HPSE2: variants seen among roughly 807,000 people sequenced by gnomAD.
HPSE2 encodes heparanase 2 (inactive), also known as inactive heparanase-2.
HPSE2 carries 38 observed loss-of-function variants against 60.5 expected under a neutral mutation model. The ratio of observed to expected loss-of-function variants is 0.63; its 90% confidence interval spans 0.48 to 0.82. The LOEUF (loss-of-function observed/expected upper bound fraction) is 0.82, where lower values mean the gene tolerates loss of function less well. HPSE2 is among the 40% of genes least tolerant of loss of function. The pLI is 0.00. For missense variants in HPSE2, 713 were observed against 740.4 expected (o/e 0.96, Z 0.43); for synonymous variants, 295 against 293.2 (o/e 1.01, Z -0.06).
intron 3 of HPSE2, among the ~76,000 whole-genome samples, chr10:98,798,188 A>AT (rs1360721298): frequency 1.3e-5 from 2 of 151,638 alleles, no homozygotes; most frequent in African/African-American, 4.9e-5. Flanking sequence ...AAAATGCTAA[A>AT]TAAAAAAAAA....
At chr10:98,764,321 T>A (rs893009831) in intron 3 of HPSE2, among the ~76,000 whole-genome samples, 1 of 151,276 alleles carries the variant, frequency 6.6e-6, no homozygotes, top group Admixed American at 6.6e-5. Context: ...ATGGGAGAAA[T>A]GGGGGAATAG....
intron 3 of HPSE2, among the ~76,000 whole-genome samples, chr10:98,982,940 G>A (rs1956242566): frequency 6.6e-6 from 1 of 152,286 alleles, no homozygotes; most frequent in South Asian, 2.1e-4. Context: ...TAGTTCGGGA[G>A]ACATTCTATT....
At chr10:98,661,893 T>C (rs1947233440) in intron 6 of HPSE2, among the ~76,000 whole-genome samples, 1 of 152,084 alleles carries the variant, frequency 6.6e-6, no homozygotes. Context: ...ATGGAAGGAA[T>C]CTTCTTTTTG....
At chr10:98,998,798 T>A (rs1333305418) in intron 3 of HPSE2, among the ~76,000 whole-genome samples, 2 of 152,220 alleles carry the variant, frequency 1.3e-5, no homozygotes, top group Non-Finnish European at 2.9e-5. Context: ...GGTCTACCCA[T>A]GCAAAAGGTA....
chr10:98,547,120 A>G (rs2133842394), intron 9 of HPSE2, among the ~76,000 whole-genome samples: 1 of 119,212 alleles, frequency 8.4e-6, no homozygotes, highest in African/African-American at 3.3e-5. Flanking sequence ...ATCTCACACC[A>G]GTTAGAATGG....
chr10:99,116,246 A>G (rs908973844), intron 3 of HPSE2, among the ~76,000 whole-genome samples: 60 of 152,132 alleles, frequency 3.9e-4, no homozygotes, highest in African/African-American at 1.3e-3. Context: ...CTAAATTCCA[A>G]ACCTCACATT....
At chr10:99,039,847 T>C (rs1957696911) in intron 3 of HPSE2, among the ~76,000 whole-genome samples, 1 of 152,104 alleles carries the variant, frequency 6.6e-6, no homozygotes, top group Non-Finnish European at 1.5e-5. Context: ...AGAAGTCAGC[T>C]CTTTAATCCA....
chr10:99,047,829 T>C (rs1589572389), intron 3 of HPSE2: 1 of 798,692 alleles, frequency 1.3e-6, no homozygotes, highest in Non-Finnish European at 2.2e-6. Flanking sequence ...TATAGGCAGA[T>C]GTACAGAACT....
intron 9 of HPSE2, among the ~76,000 whole-genome samples, chr10:98,530,276 C>G (rs1232285675): frequency 6.6e-6 from 1 of 152,192 alleles, no homozygotes; most frequent in African/African-American, 2.4e-5. Flanking sequence ...CCATCCCTCA[C>G]TTGGAGGACT....
At chr10:98,893,884 C>A (rs934587151) in intron 3 of HPSE2, among the ~76,000 whole-genome samples, 5 of 142,190 alleles carry the variant, frequency 3.5e-5, no homozygotes, top group African/African-American at 5.3e-5. Context: ...AGGGCTATAC[C>A]ATAATGAAGT....
At chr10:99,148,014 C>T (rs1322338039) in intron 2 of HPSE2, among the ~76,000 whole-genome samples, 1 of 152,172 alleles carries the variant, frequency 6.6e-6, no homozygotes, top group East Asian at 1.9e-4. Context: ...TAAGATCTTA[C>T]TAAGATTTGT....
At chr10:98,649,512 T>A (rs1441559679) in intron 6 of HPSE2, among the ~76,000 whole-genome samples, 1 of 152,228 alleles carries the variant, frequency 6.6e-6, no homozygotes, top group Non-Finnish European at 1.5e-5. Flanking sequence ...GCACCATGCT[T>A]ATTTCATTGG....
chr10:99,043,454 G>A (rs549713919), intron 3 of HPSE2, among the ~76,000 whole-genome samples: 1 of 152,262 alleles, frequency 6.6e-6, no homozygotes, highest in South Asian at 2.1e-4. Flanking sequence ...TTGCACCACT[G>A]CATTCCAGCC....
intron 3 of HPSE2, among the ~76,000 whole-genome samples, chr10:99,114,769 C>T (rs1844606671): frequency 6.6e-6 from 1 of 151,532 alleles, no homozygotes; most frequent in African/African-American, 2.4e-5. Context: ...AAAAAATTGG[C>T]TGGGCGTGGT....
chr10:98,581,128 A>G (rs1290358957), intron 9 of HPSE2, among the ~76,000 whole-genome samples: 1 of 151,674 alleles, frequency 6.6e-6, no homozygotes, highest in African/African-American at 2.4e-5. Context: ...TTTAATAGAG[A>G]TAGGGTTTCA....
chr10:98,640,577 CT>C (rs1177422450), intron 7 of HPSE2, among the ~76,000 whole-genome samples: 1 of 152,144 alleles, frequency 6.6e-6, no homozygotes, highest in East Asian at 1.9e-4. Context: ...ATAGGATTTC[CT>C]TTCAGAGCTA....
intron 2 of HPSE2, among the ~76,000 whole-genome samples, chr10:99,191,523 T>C (rs895433486): frequency 2.0e-5 from 3 of 152,252 alleles, no homozygotes; most frequent in African/African-American, 7.2e-5. Context: ...CCCAAGGCAG[T>C]ACCTCTATGA....
chr10:99,117,715 C>G (rs1451124706), intron 3 of HPSE2, among the ~76,000 whole-genome samples: 2 of 151,968 alleles, frequency 1.3e-5, no homozygotes, highest in African/African-American at 4.8e-5. Context: ...GAAATTGAAA[C>G]AGTAATAAAT....
At position 98,742,792 on chromosome 10, in the gene HPSE2, TACACAC is replaced by T. The variant is rs71009713; in HGVS notation, c.784+1085_784+1090del. ...TTACACATACACACACACACATACA[TACACAC>T]ACACACACACACACACACACTTTAA... On this transcript the variant is annotated intron_variant, in intron 4 of 11. Transcript: ENST00000370552. 6.7e-3 allele frequency among the ~76,000 whole-genome samples: 987 copies of T among 147,338 alleles called. 8 individuals are homozygous for T. The highest frequency in any genetic ancestry group is 0.027 in the South Asian group (126 of 4,584).
Sources: gnomAD v4.1 joint callset for allele counts (sites outside exome capture counted in the v4.1 genomes callset) on GRCh38, gnomAD v4.1.1 for gene constraint, MANE v1.5 for transcripts, NCBI Gene and HGNC (gene_info 2026-07-23, HGNC 2026-07-21) for gene names.